The following NACA variants were observed in gnomAD, a reference collection of about 807,000 sequenced individuals.
The protein encoded by NACA is nascent polypeptide associated complex subunit alpha, also known as nascent polypeptide-associated complex subunit alpha.
In NACA, 42 loss-of-function variants were observed where a neutral mutation model predicts 86.4. The observed-to-expected ratio is 0.49, with a 90% CI of 0.38 to 0.63. The LOEUF (loss-of-function observed/expected upper bound fraction) is 0.63. Ranked by LOEUF, NACA falls within the 20% of genes least tolerant of loss-of-function variation. The pLI, the probability that NACA is intolerant of heterozygous loss-of-function variation, is 0.00. For missense variants in NACA, 2,157 were observed against 2,483.6 expected, an observed-to-expected ratio of 0.87 and a Z score of 2.80; for synonymous variants, 898 against 973.7, an observed-to-expected ratio of 0.92 and a Z score of 1.45.
chr12:56,721,415 C>A lies in NACA; in HGVS notation c.115G>T (p.Gly39Trp), dbSNP rs766000996. The change falls in exon 3 of 9, where the codon GGG (glycine) becomes TGG (tryptophan). Residue 39 changes from glycine (G) to tryptophan (W), a missense_variant. Physicochemically the swap from Gly to Trp is radical, Grantham distance 184. Around this residue, in one of 8 missense-constraint regions of NACA, gnomAD observed 947 missense variants for 917.9 expected, o/e 1.03. Transcript: ENST00000454682. ...SSALSVTAAL[G>W]QPGPTLPPPC... ...GGGGGGAGGGTAGGTCCAGGCTGCC[C>A]TAAGGCAGCAGTGACACTCAAGGCT... 1 of 1,541,856 alleles carries A rather than the reference C, an allele frequency of 6.5e-7. No individual in the cohort carries two copies. The highest frequency in any genetic ancestry group is 8.7e-7 in the Non-Finnish European group (1 of 1,151,188).
chr12:56,722,012 G>C (rs1479878080), intron 2 of NACA, among the ~76,000 whole-genome samples: 65 of 152,292 alleles, frequency 4.3e-4, no homozygotes, highest in Non-Finnish European at 2.9e-5. Context: ...AGAAAACACA[G>C]GCTTTTATAC....
Position 56,714,314 on chromosome 12 carries a change from C to A in NACA, c.5823+48G>T, listed in dbSNP as rs1555224510. Reference sequence around the variant, plus strand: ...ACCTATGGAAATAAACAGTTCCACTCTGTATAAAGGTGCTTCATAAGATCC... The same window carrying A: ...ACCTATGGAAATAAACAGTTCCACTATGTATAAAGGTGCTTCATAAGATCC... On this transcript the variant is annotated intron_variant, in intron 5 of 8. Transcript: ENST00000454682. 1.1e-5 allele frequency: 18 copies of A among 1,577,476 alleles called. No homozygotes were observed. In the South Asian group the frequency reaches 2.0e-4, roughly 18 times the overall value.
chr12:56,714,135 C>T, intron 5 of NACA: 3 of 529,448 alleles, frequency 5.7e-6, no homozygotes, highest in East Asian at 3.3e-5. Context: ...GTGTGAGCCA[C>T]CAACCTAGCT....
In NACA at chr12:56,717,808, G is replaced by T. The variant is rs749184684; in HGVS notation, c.3722C>A (p.Pro1241His). Reference protein sequence around the residue: ...GLATPSPKGAPTTPAATPPSP... With the variant: ...GLATPSPKGAHTTPAATPPSP... ...GGGAGGAGTTGCAGCTGGGGTTGTG[G>T]GGGCCCCTTTGGGGGATGGGGTAGC... The change falls in exon 3 of 9, where the codon CCC becomes CAC. Residue 1241 changes from proline to histidine, a missense_variant. Pro to His is a moderately conservative substitution (Grantham distance 77, BLOSUM62 -2). Transcript: ENST00000454682. 4.3e-6 allele frequency: 5 copies of T among 1,155,346 alleles called. No homozygotes were observed. The highest frequency in any genetic ancestry group is 5.4e-6 in the Non-Finnish European group (5 of 924,416). The allele number at this position is 1,155,346 out of a possible 1,614,324, so 71.6% of individuals were successfully genotyped here.
At position 56,719,761 on chromosome 12, in the gene NACA, A is replaced by T. The variant is rs771279016; in HGVS notation, c.1769T>A (p.Leu590Gln). 2 of 1,613,780 alleles carry T rather than the reference A, an allele frequency of 1.2e-6. No individual in the cohort carries two copies. Among genetic ancestry groups the T allele is most frequent in the Non-Finnish European group, 1.7e-6 (2 of 1,179,846 alleles). The change falls in exon 3 of 9, where the codon CTA (leucine) becomes CAA (glutamine). Residue 590 changes from leucine (L) to glutamine (Q), a missense_variant. Leu to Gln is a moderately radical substitution (Grantham distance 113). This residue lies in a region of NACA where 947 missense variants were observed against 917.9 expected (regional missense o/e 1.03). Transcript: ENST00000454682. ...AGGCTCCCCAAGGCTTTTCTTTGCT[A>T]GGGTGGCTTCAGGAGAAAGAGGTAT... ...PEIPLSPEAT[L>Q]AKKSLGEPLP...
chr12:56,714,029 T>C (rs893260171), intron 5 of NACA: 12 of 372,588 alleles, frequency 3.2e-5, no homozygotes, highest in Non-Finnish European at 4.9e-5. Flanking sequence ...GTATTTTTAG[T>C]AGAGATGGGG....
chr12:56,721,081 C>A lies in NACA; in HGVS notation c.449G>T (p.Ser150Ile). ...VALAPHSVQK[S>I]SAFPPNLLTS... ...AAGAAGGTTAGGTGGAAAAGCAGAA[C>A]TCTTCTGAACTGAGTGGGGAGCCAG... Residue 150 changes from serine to isoleucine, a missense_variant, in exon 3 of 9, where the codon AGT becomes ATT. Ser to Ile is a moderately radical substitution (Grantham distance 142, BLOSUM62 -2). Around this residue, in one of 8 missense-constraint regions of NACA, gnomAD observed 947 missense variants for 917.9 expected, o/e 1.03. Transcript: ENST00000454682. 6.2e-7 allele frequency: 1 copy of A among 1,613,906 alleles called. No individual in the cohort carries two copies. Among genetic ancestry groups the A allele is most frequent in the South Asian group, 1.1e-5 (1 of 91,072 alleles).
Position 56,712,869 on chromosome 12 carries a change from C to T in NACA, c.6139G>A (p.Val2047Ile). ...TGVEVKDIEL[V>I]MSQANVSRAK... ...CTCGACACATTTGCTTGTGACATGA[C>T]CAATTCAATGTCCTTAACTTCTACA... The change falls in exon 8 of 9, where the codon GTC becomes ATC. Residue 2047 changes from valine (V) to isoleucine (I), a missense_variant. Coordinates refer to ENST00000454682, the MANE Select transcript of NACA (RefSeq NM_001365896.1). 1 of 1,614,148 alleles carries T rather than the reference C, an allele frequency of 6.2e-7. No homozygotes were observed. Among genetic ancestry groups the T allele is most frequent in the Non-Finnish European group, 8.5e-7 (1 of 1,180,026 alleles).
At position 56,714,431 on chromosome 12, in the gene NACA, T is replaced by TGCC; in HGVS notation, c.5751_5753dup (p.Ala1920dup). On this transcript the variant is annotated inframe_insertion, in exon 5 of 9. Coordinates refer to ENST00000454682, the MANE Select transcript of NACA (RefSeq NM_001365896.1). ...CTGGTTCTTCATCAATTTCAGCTGCTGCCGCCAGCTAAGAAGATAAAACAG... is the reference window on the plus strand; with the variant it reads ...CTGGTTCTTCATCAATTTCAGCTGCTGCCGCCGCCAGCTAAGAAGATAAAACAG... The TGCC allele has an allele frequency of 6.2e-7, 1 of 1,614,086 alleles. No homozygotes were observed.
intron 8 of NACA, 72 bp from the exon 9 acceptor site, chr12:56,712,624 C>T (rs1953249485): frequency 1.3e-6 from 2 of 1,596,772 alleles, no homozygotes; most frequent in South Asian, 1.1e-5. Context: ...AAAACTCTTA[C>T]AGGCAAATCA....
Position 56,717,518 on chromosome 12 carries a change from C to G in NACA, c.4012G>C (p.Val1338Leu), listed in dbSNP as rs770361109. The change falls in exon 3 of 9, where the codon GTA becomes CTA. Residue 1338 changes from valine to leucine, a missense_variant. This residue lies in a region of NACA where 797 missense variants were observed against 777.6 expected (regional missense o/e 1.02). Transcript: ENST00000454682. ...PPKGAPTPPA[V>L]TPPSPKGTPT... is the part of the protein sequence containing the mutation. Reference sequence around the variant, plus strand: ...GTCCCTTTAGGGGAGGGAGGAGTTACAGCTGGGGGAGTGGGGGCCCCTTTG... The same window carrying G: ...GTCCCTTTAGGGGAGGGAGGAGTTAGAGCTGGGGGAGTGGGGGCCCCTTTG... The G allele has an allele frequency of 1.6e-6, 2 of 1,229,104 alleles. No individual in the cohort carries two copies. The highest frequency in any genetic ancestry group is 7.8e-5 in the East Asian group (2 of 25,566). The allele number at this position is 1,229,104 out of a possible 1,614,324, so 76.1% of individuals were successfully genotyped here. A position where few individuals can be genotyped will look rare whatever the true frequency, so the allele number is the denominator to read the frequency against.
chr12:56,716,425 T>G lies in NACA; in HGVS notation c.5105A>C (p.Lys1702Thr), dbSNP rs910207355. 6.3e-7 allele frequency: 1 copy of G among 1,592,866 alleles called. No homozygotes were observed. The highest frequency in any genetic ancestry group is 1.7e-5 in the Admixed American group (1 of 59,244). ...STPIITAPTR[K>T]GPQTKKSSAT... ...AGAACTCTTTTTGGTCTGTGGACCT[T>G]TCCGAGTGGGAGCTGTGATGATTGG... The change falls in exon 3 of 9, where the codon AAA (lysine) becomes ACA (threonine). Residue 1702 changes from lysine (K) to threonine (T), a missense_variant. Around this residue, in one of 8 missense-constraint regions of NACA, gnomAD observed 797 missense variants for 777.6 expected, o/e 1.02. Transcript: ENST00000454682.
chr12:56,715,532 T>C (rs948334340), intron 3 of NACA, among the ~76,000 whole-genome samples: 6 of 152,116 alleles, frequency 3.9e-5, no homozygotes, highest in Non-Finnish European at 8.8e-5. Context: ...AGTGATGTGG[T>C]AGGGATTAGA....
intron 2 of NACA, among the ~76,000 whole-genome samples, chr12:56,723,258 G>A (rs1953621372): frequency 6.6e-6 from 1 of 152,140 alleles, no homozygotes; most frequent in Non-Finnish European, 1.5e-5. Context: ...ATGCAACTCA[G>A]ACTATTCAGG....
Position 56,719,680 on chromosome 12 carries a change from G to A in NACA, c.1850C>T (p.Ser617Leu), listed in dbSNP as rs375014973. The change falls in exon 3 of 9, where the codon TCG (serine) becomes TTG (leucine). Residue 617 changes from serine to leucine, a missense_variant. Ser to Leu is a moderately radical substitution (Grantham distance 145). Around this residue, in one of 8 missense-constraint regions of NACA, gnomAD observed 947 missense variants for 917.9 expected, o/e 1.03. Transcript: ENST00000454682. ...AGAATCTGTCTTGATTACAGAGGCCGAGGAGTTAACACCCAGAGGGGAGGT... is the reference window on the plus strand; with the variant it reads ...AGAATCTGTCTTGATTACAGAGGCCAAGGAGTTAACACCCAGAGGGGAGGT... ...SMTSPLGVNSSASVIKTDSYA... is the reference protein window; with the variant it reads ...SMTSPLGVNSLASVIKTDSYA... 7.9e-5 allele frequency: 127 copies of A among 1,613,660 alleles called. No individual in the cohort carries two copies. The highest frequency in any genetic ancestry group is 1.0e-4 in the Non-Finnish European group (123 of 1,179,760).
rs776118153 is a variant in NACA, at chr12:56,719,645, G to A, written c.1885C>T (p.Pro629Ser). 4 of 1,613,636 alleles carry A rather than the reference G, an allele frequency of 2.5e-6. No homozygotes were observed. Among genetic ancestry groups the A allele is most frequent in the South Asian group, 1.1e-5 (1 of 91,068 alleles). Reference sequence around the variant, plus strand: ...TTGAGAAGCGGACCAGCAGAGTCTGGGCCTGCATAAGAATCTGTCTTGATT... The same window carrying A: ...TTGAGAAGCGGACCAGCAGAGTCTGAGCCTGCATAAGAATCTGTCTTGATT... Reference protein sequence around the residue: ...SVIKTDSYAGPDSAGPLLKSS... With the variant: ...SVIKTDSYAGSDSAGPLLKSS... Residue 629 changes from proline (P) to serine (S), a missense_variant, in exon 3 of 9, where the codon CCA (proline) becomes TCA (serine). This residue lies in a region of NACA where 947 missense variants were observed against 917.9 expected (regional missense o/e 1.03). Coordinates refer to ENST00000454682, the MANE Select transcript of NACA (RefSeq NM_001365896.1).
intron 2 of NACA, among the ~76,000 whole-genome samples, chr12:56,724,034 G>A (rs1953645241): frequency 6.6e-6 from 1 of 152,154 alleles, no homozygotes; most frequent in African/African-American, 2.4e-5. Context: ...TGTGATAAAG[G>A]CACAATGCCA....
intron 8 of NACA, 83 bp downstream of exon 8, chr12:56,712,703 G>A: frequency 6.2e-7 from 1 of 1,605,768 alleles, no homozygotes; most frequent in Non-Finnish European, 8.5e-7. Context: ...TCCTTAATTG[G>A]CTGATATTTA....
In NACA at chr12:56,716,034, A is replaced by C. The variant is rs1346935521; in HGVS notation, c.5496T>G (p.Leu1832=). The change falls in exon 3 of 9, where the codon CTT becomes CTG. Residue 1832 remains leucine (L), a synonymous_variant. Coordinates refer to ENST00000454682, the MANE Select transcript of NACA (RefSeq NM_001365896.1). ...GLVLESPSKP[L]APADEDELLP... is the part of the protein sequence containing the mutation. ...GCAGCTCATCCTCATCAGCAGGGGCAAGGGGTTTAGAGGGTGATTCCAACA... is the reference window on the plus strand; with the variant it reads ...GCAGCTCATCCTCATCAGCAGGGGCCAGGGGTTTAGAGGGTGATTCCAACA... 10 of 1,607,034 alleles carry C rather than the reference A, an allele frequency of 6.2e-6. No individual in the cohort carries two copies. Among genetic ancestry groups the C allele is most frequent in the Non-Finnish European group, 8.5e-6 (10 of 1,175,598 alleles).
Sources: allele counts gnomAD v4.1 joint callset (sites outside exome capture counted in the v4.1 genomes callset), GRCh38; gene constraint gnomAD v4.1.1; regional missense constraint gnomAD v4.1.1; transcripts MANE v1.5; gene names NCBI Gene and HGNC (gene_info 2026-07-23, HGNC 2026-07-21).